APOB: variants seen among roughly 807,000 people sequenced by gnomAD.
The protein encoded by APOB is apolipoprotein B-100.
APOB carries 153 observed loss-of-function variants against 314.1 expected under a neutral mutation model. The ratio of observed to expected loss-of-function variants is 0.49; its 90% CI spans 0.43 to 0.56. The LOEUF (loss-of-function observed/expected upper bound fraction) is 0.56. Ranked by LOEUF, APOB falls within the 20% of genes least tolerant of loss-of-function variation. The pLI is 0.00. For missense variants in APOB, 5,430 were observed against 5,350.7 expected, an observed-to-expected ratio of 1.01 and a Z score of -0.46; for synonymous variants, 2,087 against 2,036.4, an observed-to-expected ratio of 1.02 and a Z score of -0.67.
In APOB at chr2:21,025,118, C is replaced by T; in HGVS notation, c.2251G>A (p.Val751Ile). Residue 751 changes from valine to isoleucine, a missense_variant, in exon 16 of 29, where the codon GTA becomes ATA. Coordinates refer to ENST00000233242, the MANE Select transcript of APOB (RefSeq NM_000384.3). ...TCAACACTGAGCATTATTCCATTTA[C>T]CATATCCTGAGAGTTTAGTAATAAA... ...TKDDKHEQDM[V>I]NGIMLSVEKL... The T allele has an allele frequency of 6.2e-7, 1 of 1,614,018 alleles. No homozygotes were observed. The highest frequency in any genetic ancestry group is 8.5e-7 in the Non-Finnish European group (1 of 1,179,996).
At chr2:21,018,111 C>T (rs1181044884) in intron 20 of APOB, among the ~76,000 whole-genome samples, 2 of 152,160 alleles carry the variant, frequency 1.3e-5, no homozygotes, top group African/African-American at 2.4e-5. Context: ...TTTCCTCTTA[C>T]ACTCAACATC....
At position 21,011,125 on chromosome 2, in the gene APOB, C is replaced by T. The variant is rs761311695; in HGVS notation, c.5743G>A (p.Gly1915Arg). 1.9e-6 allele frequency: 3 copies of T among 1,614,198 alleles called. No homozygotes were observed. Among genetic ancestry groups the T allele is most frequent in the Admixed American group, 3.3e-5 (2 of 60,022 alleles). Residue 1915 changes from glycine (G) to arginine (R), a missense_variant, in exon 26 of 29, where the codon GGG becomes AGG. Coordinates refer to ENST00000233242, the MANE Select transcript of APOB (RefSeq NM_000384.3). ...TGTTCTCCCCAGAGAGCGAGTTTCCCATTGCCATTTGTATGTGCATCGATG... is the reference window on the plus strand; with the variant it reads ...TGTTCTCCCCAGAGAGCGAGTTTCCTATTGCCATTTGTATGTGCATCGATG... Reference protein sequence around the residue: ...MTIDAHTNGNGKLALWGEHTG... With the variant: ...MTIDAHTNGNRKLALWGEHTG...
At chr2:21,026,606 C>T (rs1452042629) in intron 15 of APOB, among the ~76,000 whole-genome samples, 182 bp downstream of exon 15, 3 of 152,176 alleles carry the variant, frequency 2.0e-5, no homozygotes, top group African/African-American at 7.2e-5. Context: ...TCTGGGCACA[C>T]TGAATTCAGG....
At chr2:21,016,729 A>T (rs928081944) in intron 20 of APOB, 80 bp from the exon 21 acceptor site, 21 of 908,838 alleles carry the variant, frequency 2.3e-5, no homozygotes, top group Non-Finnish European at 3.7e-5. Context: ...TCACACCTGT[A>T]ATCCCAGCAC....
At chr2:21,016,320 C>A in intron 21 of APOB, 119 bp downstream of exon 21, 1 of 666,348 alleles carries the variant, frequency 1.5e-6, no homozygotes, top group Non-Finnish European at 2.7e-6. Context: ...GCTCTCTCTG[C>A]CACTCTGATT....
At chr2:21,032,604 A>G (rs1219059468) in intron 9 of APOB, 23 bp from the exon 10 acceptor site, 6 of 1,587,086 alleles carry the variant, frequency 3.8e-6, no homozygotes, top group African/African-American at 1.3e-5. Context: ...ACATGGATAA[A>G]GTTATACAGA....
In APOB at chr2:21,012,367, A is replaced by G. The variant is rs761729714; in HGVS notation, c.4501T>C (p.Tyr1501His). The change falls in exon 26 of 29, where the codon TAT (tyrosine) becomes CAT (histidine). Residue 1501 changes from tyrosine (Y) to histidine (H), a missense_variant. By Grantham distance (83) the Tyr-to-His change is moderately conservative. This residue lies in a region of APOB where 2,085 missense variants were observed against 2,079.7 expected (regional missense o/e 1.00). Coordinates refer to ENST00000233242, the MANE Select transcript of APOB (RefSeq NM_000384.3). ...RVSSFYAKGT[Y>H]GLSCQRDPNT... is the part of the protein sequence containing the mutation. ...GGATCCCTCTGACAAGACAGGCCAT[A>G]TGTGCCTTTAGCATAGAACGAAGAG... The G allele has an allele frequency of 6.8e-6, 11 of 1,614,086 alleles. No individual in the cohort carries two copies. The Admixed American group carries it at 1.8e-4, about 27-fold the overall frequency.
rs1332205977 is a variant in APOB, at chr2:21,001,717, T to G, written c.*13A>C. On this transcript the variant is annotated 3_prime_UTR_variant, in exon 29 of 29. Transcript: ENST00000233242. ...TTGGAAAAGAAGAATAAATGAAGAT[T>G]TCTTTTAAAAAATTAGAGGATGATA... 1 of 1,612,506 alleles carries G rather than the reference T, an allele frequency of 6.2e-7. No individual in the cohort carries two copies. Among genetic ancestry groups the G allele is most frequent in the Non-Finnish European group, 8.5e-7 (1 of 1,179,048 alleles).
At chr2:21,038,206 T>G (rs1450972112) in intron 4 of APOB, 95 bp from the exon 5 acceptor site, 8 of 1,341,214 alleles carry the variant, frequency 6.0e-6, no homozygotes, top group Non-Finnish European at 8.5e-6. Context: ...TTCTCATATT[T>G]TTTTAACCAA....
intron 9 of APOB, among the ~76,000 whole-genome samples, chr2:21,033,096 T>C (rs1663918127): frequency 6.6e-6 from 1 of 152,192 alleles, no homozygotes; most frequent in African/African-American, 2.4e-5. Flanking sequence ...ATAGCTGCCT[T>C]GAACACAGTA....
Position 21,001,757 on chromosome 2 carries a change from A to G in APOB, c.13665T>C (p.Ala4555=), listed in dbSNP as rs2103345966. 6.2e-7 allele frequency: 1 copy of G among 1,613,980 alleles called. No individual in the cohort carries two copies. Among genetic ancestry groups the G allele is most frequent in the Non-Finnish European group, 8.5e-7 (1 of 1,179,924 alleles). ...AGAGGATGATAGTAAGTTCTCCTGG[A>G]GCAAGCTTCATGTAGGGGTTCATGA... The part of the protein sequence containing the change: ...TTVMNPYMKL[A]PGELTIIL The change falls in exon 29 of 29, where the codon GCT becomes GCC. Residue 4555 remains alanine (A), a synonymous_variant. Coordinates refer to ENST00000233242, the MANE Select transcript of APOB (RefSeq NM_000384.3).
chr2:21,002,804 C>T lies in APOB; in HGVS notation c.12618G>A (p.Gly4206=). ...CCTCCCTAGTGTATATCCCAGGTTT[C>T]CCCGGAAACTGGAATCTGGGGAAGT... ...FLNFPRFQFP[G]KPGIYTREEL... The change falls in exon 29 of 29, where the codon GGG becomes GGA. Residue 4206 remains glycine (G), a synonymous_variant. Coordinates refer to ENST00000233242, the MANE Select transcript of APOB (RefSeq NM_000384.3). 1.2e-6 allele frequency: 2 copies of T among 1,610,302 alleles called. No homozygotes were observed. Among genetic ancestry groups the T allele is most frequent in the South Asian group, 1.1e-5 (1 of 90,460 alleles).
Position 21,033,415 on chromosome 2 carries a change from G to C in APOB, c.1008C>G (p.Thr336=), listed in dbSNP as rs765904115. 3 of 1,614,146 alleles carry C rather than the reference G, an allele frequency of 1.9e-6. No homozygotes were observed. The highest frequency in any genetic ancestry group is 1.7e-6 in the Non-Finnish European group (2 of 1,180,010). The change falls in exon 9 of 29, where the codon ACC becomes ACG. Residue 336 remains threonine (T), a synonymous_variant. Transcript: ENST00000233242. ...LKTLQELKKL[T]ISEQNIQRAN... is the part of the protein sequence containing the mutation. ...CTCTCTGGATATTTTGCTCAGAGAT[G>C]GTTAGTTTTTTCAGTTCCTGGAGAG...
rs1334637650 is a variant in APOB at position 21,025,197 on chromosome 2, C to A, written c.2245-73G>T. On this transcript the variant is annotated intron_variant, in intron 15 of 28. Coordinates refer to ENST00000233242, the MANE Select transcript of APOB (RefSeq NM_000384.3). ...ACACCTTTCAGTTCCCAATGTGGGA[C>A]CTGTCTGATGCAGCCAGGATGGGCC... is the stretch of plus-strand genomic sequence containing the variant. 7 of 1,472,856 alleles carry A rather than the reference C, an allele frequency of 4.8e-6. No homozygotes were observed. The East Asian group carries it at 1.6e-4, about 33-fold the overall frequency. The allele number at this position is 1,472,856 out of a possible 1,614,324, so 91.2% of individuals were successfully genotyped here.
chr2:21,029,822 G>A, intron 11 of APOB, 37 bp from the exon 12 acceptor site: 1 of 1,613,466 alleles, frequency 6.2e-7, no homozygotes, highest in Non-Finnish European at 8.5e-7. Flanking sequence ...CCATCAGGGT[G>A]CAGGAGAGGG....
At chr2:21,004,696 A>T in intron 26 of APOB, 21 bp from the exon 27 acceptor site, 4 of 1,539,160 alleles carry the variant, frequency 2.6e-6, no homozygotes, top group Non-Finnish European at 3.6e-6. Flanking sequence ...GAGATTTTGT[A>T]TTTTATTAGA....
At position 21,001,755 on chromosome 2, in the gene APOB, G is replaced by A; in HGVS notation, c.13667C>T (p.Pro4556Leu). ...TVMNPYMKLA[P>L]GELTIIL ...TTAGAGGATGATAGTAAGTTCTCCT[G>A]GAGCAAGCTTCATGTAGGGGTTCAT... Residue 4556 changes from proline to leucine, a missense_variant, in exon 29 of 29, where the codon CCA becomes CTA. Around this residue, in one of 3 missense-constraint regions of APOB, gnomAD observed 3,281 missense variants for 3,171.0 expected, o/e 1.03. Transcript: ENST00000233242. 1 of 1,613,926 alleles carries A rather than the reference G, an allele frequency of 6.2e-7. No homozygotes were observed. The highest frequency in any genetic ancestry group is 8.5e-7 in the Non-Finnish European group (1 of 1,179,906).
In APOB at chr2:21,033,347, C is replaced by CTG; in HGVS notation, c.1074_1075dup (p.Ser359ThrfsTer13). On this transcript the variant is annotated frameshift_variant, in exon 9 of 29. Transcript: ENST00000233242. LOFTEE classifies it high-confidence loss of function. ...CAAGAGAGATGTGACTGCTTCATCA[C>CTG]TGAGGCCTCTCAGCTCAGTAACCAG... 1 of 1,614,216 alleles carries CTG rather than the reference C, an allele frequency of 6.2e-7. No individual in the cohort carries two copies. Among genetic ancestry groups the CTG allele is most frequent in the Non-Finnish European group, 8.5e-7 (1 of 1,180,040 alleles).
At position 21,014,958 on chromosome 2, in the gene APOB, G is replaced by T. The variant is rs113547817; in HGVS notation, c.3696+115C>A. Reference sequence around the variant, plus strand: ...TTTTTTCTCCCCAAGAATTCCCTGGGGGGAAGGAAGCATGCCTTATACATC... The same window carrying T: ...TTTTTTCTCCCCAAGAATTCCCTGGTGGGAAGGAAGCATGCCTTATACATC... On this transcript the variant is annotated intron_variant, in intron 23 of 28. Transcript: ENST00000233242. The T allele has an allele frequency of 1.3e-5, 15 of 1,136,072 alleles. No individual in the cohort carries two copies. The African/African-American group carries it at 1.5e-4, about 12-fold the overall frequency. 70.4% of individuals were successfully genotyped at this position (1,136,072 alleles called of 1,614,324 possible).
Sources: allele counts gnomAD v4.1 joint callset (sites outside exome capture counted in the v4.1 genomes callset), GRCh38; gene constraint gnomAD v4.1.1; regional missense constraint gnomAD v4.1.1; transcripts MANE v1.5; gene names NCBI Gene and HGNC (gene_info 2026-07-23, HGNC 2026-07-21).